SLC24A2: variants seen among roughly 807,000 people sequenced by gnomAD.
SLC24A2 encodes the protein solute carrier family 24 member 2, also known as sodium/potassium/calcium exchanger 2.
SLC24A2 carries 36 observed loss-of-function variants against 62.0 expected under a neutral mutation model. The ratio of observed to expected loss-of-function variants is 0.58; its 90% CI spans 0.44 to 0.77. The LOEUF is 0.77. Among genes scored for constraint, SLC24A2 ranks in the 30% least tolerant of loss-of-function variants. The pLI is 0.00. For synonymous variants in SLC24A2, 358 were observed against 294.0 expected (o/e 1.22, Z -2.23); for missense variants, 846 against 817.9 (o/e 1.03, Z -0.42).
chr9:19,577,592 G>T (rs567566657), intron 5 of SLC24A2, among the ~76,000 whole-genome samples: 4 of 152,116 alleles, frequency 2.6e-5, no homozygotes, highest in Admixed American at 2.6e-4. Flanking sequence ...ATGCATCACA[G>T]CTTTCCAAAT....
the SLC24A2 span, among the ~76,000 whole-genome samples, chr9:19,978,572 T>G: frequency 6.6e-6 from 1 of 151,878 alleles, no homozygotes; most frequent in Non-Finnish European, 1.5e-5. Flanking sequence ...CTAAGAAAAA[T>G]TCAAGGAAAG....
At chr9:20,297,539 G>A in the SLC24A2 span, among the ~76,000 whole-genome samples, 14 of 152,324 alleles carry the variant, frequency 9.2e-5, no homozygotes, top group African/African-American at 3.4e-4. Flanking sequence ...ATTAGTCACT[G>A]GCCAGATGGG....
At chr9:19,863,603 C>A in the SLC24A2 span, among the ~76,000 whole-genome samples, 7 of 151,554 alleles carry the variant, frequency 4.6e-5, no homozygotes, top group African/African-American at 1.7e-4. Context: ...AAATATTCTT[C>A]TGAATGACCA....
intron 4 of SLC24A2, among the ~76,000 whole-genome samples, chr9:19,608,592 C>T (rs943433697): frequency 2.0e-5 from 3 of 152,192 alleles, no homozygotes; most frequent in South Asian, 2.1e-4. Flanking sequence ...CCCTTGGAAC[C>T]GCAGTTTTCT....
the SLC24A2 span, among the ~76,000 whole-genome samples, chr9:19,930,444 C>A: frequency 6.6e-6 from 1 of 152,138 alleles, no homozygotes; most frequent in Admixed American, 6.5e-5. Flanking sequence ...GGTGGCTACA[C>A]CATCTAAGTT....
the SLC24A2 span, among the ~76,000 whole-genome samples, chr9:20,208,491 CT>C: frequency 6.6e-6 from 1 of 152,212 alleles, no homozygotes; most frequent in Non-Finnish European, 1.5e-5. Context: ...CAAGTAACTA[CT>C]GCTAAGAGAA....
chr9:20,017,131 G>C, the SLC24A2 span, among the ~76,000 whole-genome samples: 1 of 152,180 alleles, frequency 6.6e-6, no homozygotes, highest in Middle Eastern at 3.4e-3. Flanking sequence ...CAAGCAATTT[G>C]TGTGCCTCAG....
At chr9:19,711,476 C>T (rs1443724075) in intron 2 of SLC24A2, among the ~76,000 whole-genome samples, 1 of 152,142 alleles carries the variant, frequency 6.6e-6, no homozygotes, top group African/African-American at 2.4e-5. Context: ...TAAAGGCATC[C>T]ACTACCAAAA....
chr9:19,596,901 T>A (rs1836717249), intron 5 of SLC24A2, among the ~76,000 whole-genome samples: 1 of 152,196 alleles, frequency 6.6e-6, no homozygotes, highest in African/African-American at 2.4e-5. Flanking sequence ...TGGATGAATG[T>A]TTCTATATGT....
intron 4 of SLC24A2, among the ~76,000 whole-genome samples, chr9:19,612,073 A>G (rs1229672740): frequency 2.0e-5 from 3 of 152,194 alleles, no homozygotes; most frequent in Non-Finnish European, 4.4e-5. Flanking sequence ...TAAAATGAGG[A>G]TAACAGATTC....
the SLC24A2 span, among the ~76,000 whole-genome samples, chr9:19,998,510 C>G: frequency 6.6e-6 from 1 of 152,092 alleles, no homozygotes; most frequent in Non-Finnish European, 1.5e-5. Flanking sequence ...ATTAAAACAG[C>G]CCCCAGCAAT....
the SLC24A2 span, among the ~76,000 whole-genome samples, chr9:20,275,392 T>A: frequency 6.6e-6 from 1 of 152,188 alleles, no homozygotes; most frequent in South Asian, 2.1e-4. Flanking sequence ...GGTGGTTCTA[T>A]TTTTTTGTGA....
the SLC24A2 span, among the ~76,000 whole-genome samples, chr9:20,192,001 C>G: frequency 4.6e-5 from 7 of 152,064 alleles, no homozygotes; most frequent in Admixed American, 2.0e-4. Flanking sequence ...CAGGTCCAAC[C>G]AAACCAAAGC....
At chr9:19,856,853 C>T in the SLC24A2 span, among the ~76,000 whole-genome samples, 1 of 152,142 alleles carries the variant, frequency 6.6e-6, no homozygotes, top group Non-Finnish European at 1.5e-5. Flanking sequence ...GGGAGAAATC[C>T]CCCTCATCTG....
the SLC24A2 span, among the ~76,000 whole-genome samples, chr9:20,288,440 G>A: frequency 6.6e-6 from 1 of 152,224 alleles, no homozygotes; most frequent in South Asian, 2.1e-4. Context: ...GGTAGTGGGA[G>A]AGGAGGGAAT....
the SLC24A2 span, among the ~76,000 whole-genome samples, chr9:20,092,267 T>C: frequency 6.6e-6 from 1 of 152,240 alleles, no homozygotes; most frequent in African/African-American, 2.4e-5. Context: ...GATGTGTTAA[T>C]TGACCATTTC....
the SLC24A2 span, among the ~76,000 whole-genome samples, chr9:20,019,117 GAAAGAA>G: frequency 3.2e-5 from 2 of 61,952 alleles, 1 homozygote; most frequent in East Asian, 1.3e-3. Flanking sequence ...AAGAAAGAAA[GAAAGAA>G]AGAAAGAAAG....
At chr9:19,522,921 G>C (rs1833268094) in intron 9 of SLC24A2, among the ~76,000 whole-genome samples, 1 of 152,210 alleles carries the variant, frequency 6.6e-6, no homozygotes, top group Non-Finnish European at 1.5e-5. Context: ...CATTGCCAAA[G>C]ACTGAGCAGA....
the SLC24A2 span, among the ~76,000 whole-genome samples, chr9:20,085,500 C>G: frequency 6.6e-6 from 1 of 152,182 alleles, no homozygotes; most frequent in South Asian, 2.1e-4. Flanking sequence ...ATTTCTAGGA[C>G]TAGCCTAGAC....
Sources: gnomAD v4.1 joint callset for allele counts (sites outside exome capture counted in the v4.1 genomes callset) on GRCh38, gnomAD v4.1.1 for gene constraint, MANE v1.5 for transcripts, NCBI Gene and HGNC (gene_info 2026-07-23, HGNC 2026-07-21) for gene names.